The following RANBP17 variants were observed in gnomAD, a reference collection of about 807,000 sequenced individuals.
RANBP17 encodes the protein RAN binding protein 17.
In RANBP17, 158 loss-of-function variants were observed where a neutral mutation model predicts 141.2. The ratio of observed to expected loss-of-function variants is 1.12; its 90% confidence interval spans 0.98 to 1.28. The LOEUF is 1.28. Among genes scored for constraint, RANBP17 ranks in the 50% most tolerant of loss-of-function variants. RANBP17 has a pLI of 0.00. For missense variants in RANBP17, 1,438 were observed against 1,290.7 expected, an observed-to-expected ratio of 1.11 and a Z score of -1.75; for synonymous variants, 430 against 450.0, an observed-to-expected ratio of 0.96 and a Z score of 0.56.
At chr5:171,005,209 C>T (rs1779509352) in intron 14 of RANBP17, among the ~76,000 whole-genome samples, 1 of 152,102 alleles carries the variant, frequency 6.6e-6, no homozygotes, top group Non-Finnish European at 1.5e-5. Context: ...CATGAAGCTG[C>T]CAGTGACTTT....
chr5:171,069,974 G>A (rs535286195), intron 14 of RANBP17, among the ~76,000 whole-genome samples: 389 of 152,208 alleles, frequency 2.6e-3, no homozygotes, highest in African/African-American at 9.0e-3. Context: ...GAAGTGAAAG[G>A]TAATATAATA....
At chr5:171,095,448 G>A (rs1057499056) in intron 14 of RANBP17, among the ~76,000 whole-genome samples, 4 of 152,022 alleles carry the variant, frequency 2.6e-5, no homozygotes, top group Non-Finnish European at 5.9e-5. Context: ...TCTTGGAGTT[G>A]AACTTATGTA....
Position 170,934,801 on chromosome 5 carries a change from A to G in RANBP17, c.1468+10251A>G, listed in dbSNP as rs572691645. Among the ~76,000 whole-genome samples, 3 of 152,224 alleles carry G rather than the reference A, an allele frequency of 2.0e-5. No individual in the cohort carries two copies. The South Asian group carries it at 6.2e-4, about 32-fold the overall frequency. On this transcript the variant is annotated intron_variant, in intron 12 of 27. Transcript: ENST00000523189. ...ATGTGTCTTGGAGTTGCTCTTCTCA[A>G]GGAGTATCTTTGTGGCATTCTCTGT...
intron 25 of RANBP17, among the ~76,000 whole-genome samples, chr5:171,277,768 A>T (rs766843546): frequency 9.4e-5 from 14 of 148,514 alleles, no homozygotes; most frequent in Admixed American, 1.3e-4. Flanking sequence ...ACCCAGTATC[A>T]TACAGCTAAT....
chr5:171,183,178 T>TA lies in RANBP17; in HGVS notation c.1884dup (p.Leu629ThrfsTer17), dbSNP rs779856373. 33 of 1,547,812 alleles carry TA rather than the reference T, an allele frequency of 2.1e-5. No homozygotes were observed. Among genetic ancestry groups the TA allele is most frequent in the South Asian group, 3.4e-5 (3 of 89,474 alleles). ...TTAACTTCTATTACTTATATCCTTT[T>TA]AAAAAAACTTGTGAAGATAGATGCT... On this transcript the variant is annotated frameshift_variant, in exon 17 of 28. Transcript: ENST00000523189. LOFTEE classifies it high-confidence loss of function.
chr5:171,176,507 C>T (rs760641133), intron 16 of RANBP17, among the ~76,000 whole-genome samples: 11 of 152,132 alleles, frequency 7.2e-5, no homozygotes, highest in Non-Finnish European at 1.6e-4. Context: ...AACACAGACC[C>T]TGCCCTCGTG....
intron 14 of RANBP17, among the ~76,000 whole-genome samples, chr5:171,074,330 A>G (rs1264408505): frequency 6.6e-6 from 1 of 152,158 alleles, no homozygotes; most frequent in Non-Finnish European, 1.5e-5. Flanking sequence ...AAACAAGGAA[A>G]AGTCTGAAAA....
At chr5:171,224,455 C>T (rs1763772814) in intron 22 of RANBP17, among the ~76,000 whole-genome samples, 2 of 152,174 alleles carry the variant, frequency 1.3e-5, no homozygotes. Context: ...GTGTCACTGA[C>T]TTTCTAGGAC....
intron 22 of RANBP17, among the ~76,000 whole-genome samples, chr5:171,228,887 A>G (rs115297827): frequency 0.01 from 1,529 of 152,276 alleles, 25 homozygotes; most frequent in African/African-American, 0.035. Context: ...TGCACACTTA[A>G]CAGACTACAG....
At chr5:170,868,417 T>TTTGTTGTTGTTG (rs371693546) in intron 1 of RANBP17, among the ~76,000 whole-genome samples, 3,018 of 151,614 alleles carry the variant, frequency 0.02, 98 homozygotes, top group African/African-American at 0.067. Context: ...CCTGGCTGAT[T>TTTGTTGTTGTTG]TTGTTGTTGT....
rs867977023 is a variant in RANBP17, at chr5:171,056,136, C to G, written c.1710+87759C>G. ...AATTGGTAACATTTTAAGCAAAAAG[C>G]CAAAAAAGATTACTTCAGTTTTCTA... On this transcript the variant is annotated intron_variant, in intron 14 of 27. Coordinates refer to ENST00000523189, the MANE Select transcript of RANBP17 (RefSeq NM_022897.5). Among the ~76,000 whole-genome samples, 6 of 152,178 alleles carry G rather than the reference C, an allele frequency of 3.9e-5. No homozygotes were observed. In the Middle Eastern group the frequency reaches 0.01, roughly 259 times the overall value.
intron 14 of RANBP17, among the ~76,000 whole-genome samples, chr5:170,980,606 A>T (rs1777698927): frequency 6.6e-6 from 1 of 152,208 alleles, no homozygotes; most frequent in Non-Finnish European, 1.5e-5. Flanking sequence ...AAGCCTTGGC[A>T]CCTTCCATGT....
chr5:170,953,234 G>A (rs549906269), intron 12 of RANBP17, among the ~76,000 whole-genome samples: 6 of 152,236 alleles, frequency 3.9e-5, no homozygotes, highest in Middle Eastern at 3.4e-3. Context: ...GTCCTAGACA[G>A]TTTAGTGTTT....
chr5:171,208,915 A>G (rs1168809301), intron 20 of RANBP17, among the ~76,000 whole-genome samples: 1 of 152,234 alleles, frequency 6.6e-6, no homozygotes. Context: ...GTTCCCTGAT[A>G]CATAATGAGA....
intron 18 of RANBP17, among the ~76,000 whole-genome samples, chr5:171,185,228 C>T (rs1259977505): frequency 6.6e-6 from 1 of 152,152 alleles, no homozygotes; most frequent in African/African-American, 2.4e-5. Flanking sequence ...TCTGAGCTTT[C>T]AGTGTGTTGT....
intron 14 of RANBP17, among the ~76,000 whole-genome samples, chr5:170,987,527 CAGAT>C (rs1390090842): frequency 8.9e-6 from 1 of 111,954 alleles, no homozygotes; most frequent in Non-Finnish European, 1.9e-5. Context: ...CATTAGTATT[CAGAT>C]AGGCCTTTTT....
intron 14 of RANBP17, among the ~76,000 whole-genome samples, chr5:171,023,876 T>C (rs1414385041): frequency 1.3e-5 from 2 of 152,212 alleles, no homozygotes. Flanking sequence ...TACATTCTAG[T>C]CCTTCACTGG....
At chr5:171,226,214 A>C (rs1330096930) in intron 22 of RANBP17, among the ~76,000 whole-genome samples, 3 of 152,186 alleles carry the variant, frequency 2.0e-5, no homozygotes, top group Non-Finnish European at 4.4e-5. Flanking sequence ...TCTCAGTTTT[A>C]AGAACTGGAT....
chr5:171,151,972 G>T (rs970338232), intron 14 of RANBP17, among the ~76,000 whole-genome samples: 1 of 152,044 alleles, frequency 6.6e-6, no homozygotes, highest in African/African-American at 2.4e-5. Context: ...GGTATATGAG[G>T]GCGGAGGGCA....
Sources: gnomAD v4.1 joint callset for allele counts (sites outside exome capture counted in the v4.1 genomes callset) on GRCh38, gnomAD v4.1.1 for gene constraint, MANE v1.5 for transcripts, NCBI Gene and HGNC (gene_info 2026-07-23, HGNC 2026-07-21) for gene names.